The following DNMBP variants were observed in gnomAD, a reference collection of about 807,000 sequenced individuals.
The protein encoded by DNMBP is dynamin binding protein.
DNMBP carries 87 observed loss-of-function variants against 150.0 expected under a neutral mutation model. That is an observed-to-expected ratio of 0.58 (90% CI 0.49 to 0.69). DNMBP has a LOEUF of 0.69. Among genes scored for constraint, DNMBP ranks in the 30% least tolerant of loss-of-function variants. The pLI, the probability that DNMBP is intolerant of heterozygous loss-of-function variation, is 0.00. For missense variants in DNMBP, 1,774 were observed against 1,949.0 expected, an observed-to-expected ratio of 0.91 and a Z score of 1.69; for synonymous variants, 711 against 750.4, an observed-to-expected ratio of 0.95 and a Z score of 0.86.
intron 4 of DNMBP, chr10:99,930,679 C>G (rs772173938): frequency 5.7e-6 from 4 of 702,044 alleles, no homozygotes; most frequent in Non-Finnish European, 1.0e-5. Flanking sequence ...CGTACACTCC[C>G]GTAGTCTTCA....
chr10:99,966,237 T>A (rs1000900787), intron 3 of DNMBP, among the ~76,000 whole-genome samples: 1 of 152,090 alleles, frequency 6.6e-6, no homozygotes, highest in South Asian at 2.1e-4. Context: ...TTACTGGCAG[T>A]AGATTATCAC....
chr10:99,946,259 C>T (rs1042241478), intron 4 of DNMBP, among the ~76,000 whole-genome samples: 12 of 152,154 alleles, frequency 7.9e-5, no homozygotes, highest in Non-Finnish European at 1.3e-4. Context: ...AGCCCAGCTC[C>T]AGAAATGCTT....
intron 2 of DNMBP, among the ~76,000 whole-genome samples, chr10:99,970,983 A>AAAAATAAATAAAAAAAT (rs1263044860): frequency 8.1e-5 from 12 of 147,458 alleles, no homozygotes; most frequent in African/African-American, 3.0e-4. Context: ...AAAAAAAAAA[A>AAAAATAAATAAAAAAAT]AAAAAAAAAA....
rs1374926417 is a variant in DNMBP, at chr10:99,990,732, CAT to C, written c.-10-18600_-10-18599del. Among the ~76,000 whole-genome samples the C allele has an allele frequency of 4.7e-5, 7 of 149,888 alleles. No homozygotes were observed. The Admixed American group carries it at 4.7e-4, about 10-fold the overall frequency. Reference sequence around the variant, plus strand: ...ATACACACATATACACACAAATATACATATATATGCACATGTATATACACATA... The same window carrying C: ...ATACACACATATACACACAAATATACATATATGCACATGTATATACACATA... On this transcript the variant is annotated intron_variant, in intron 1 of 16. Transcript: ENST00000324109.
intron 4 of DNMBP, among the ~76,000 whole-genome samples, chr10:99,932,711 A>G (rs375331593): frequency 0.06 from 8,737 of 146,666 alleles, 347 homozygotes; most frequent in African/African-American, 0.11. Context: ...ACCAGAGGAA[A>G]CAAGCAGTGT....
intron 1 of DNMBP, among the ~76,000 whole-genome samples, chr10:99,974,998 G>A (rs2040713540): frequency 6.6e-6 from 1 of 152,118 alleles, no homozygotes; most frequent in Admixed American, 6.5e-5. Context: ...AAACTCCTGG[G>A]CCACCCACCT....
intron 4 of DNMBP, among the ~76,000 whole-genome samples, chr10:99,933,767 C>T (rs948614718): frequency 1.3e-5 from 2 of 152,140 alleles, no homozygotes; most frequent in African/African-American, 4.8e-5. Context: ...GACGGAGTCT[C>T]GCTCTATCAC....
chr10:99,922,511 T>TG (rs1445288678), intron 4 of DNMBP, among the ~76,000 whole-genome samples: 24 of 99,782 alleles, frequency 2.4e-4, no homozygotes, highest in African/African-American at 9.4e-4. Flanking sequence ...TGTTTTTTTT[T>TG]TTTTTTTTTT....
rs11190305 is a variant in DNMBP, at chr10:99,880,120, A to C, written c.4239T>G (p.Cys1413Trp). The C allele has an allele frequency of 0.37, 589,417 of 1,613,876 alleles. 110,283 individuals are homozygous for C. Among genetic ancestry groups the C allele is most frequent in the Non-Finnish European group, 0.39 (455,711 of 1,179,924 alleles). The change falls in exon 16 of 17, where the codon TGT becomes TGG. Residue 1413 changes from cysteine (C) to tryptophan (W), a missense_variant. Cys to Trp is a radical substitution (Grantham distance 215). This residue lies in a region of DNMBP where 1,430 missense variants were observed against 1,492.5 expected (regional missense o/e 0.96). Coordinates refer to ENST00000324109, the MANE Select transcript of DNMBP (RefSeq NM_015221.4). ...PQDASPPPKE[C>W]DQGTLSASLN... is the part of the protein sequence containing the mutation. ...GGGATGCACTGAGAGTTCCTTGGTC[A>C]CATTCTTTTGGCGGAGGAGATGCAT...
Position 99,998,103 on chromosome 10 carries a change from CGCACACCTG to C in DNMBP, c.-11+11726_-11+11734del, listed in dbSNP as rs573312089. ...ACAAAAAATTAGCCAGGCGTGGTGG[CGCACACCTG>C]TATTCCCAGCTTCTCGGGAGGCTGA... On this transcript the variant is annotated intron_variant, in intron 1 of 16. Transcript: ENST00000324109. 1.2e-3 allele frequency among the ~76,000 whole-genome samples: 181 copies of C among 151,404 alleles called. 1 individual carries two copies. Among genetic ancestry groups the C allele is most frequent in the Non-Finnish European group, 1.9e-3 (129 of 67,838 alleles).
Position 99,877,096 on chromosome 10 carries a change from ACCCTCGG to A in DNMBP, c.*48_*54del. 1.0e-5 allele frequency: 14 copies of A among 1,396,142 alleles called. No individual in the cohort carries two copies. Among genetic ancestry groups the A allele is most frequent in the Non-Finnish European group, 1.1e-5 (12 of 1,059,756 alleles). 86.5% of individuals were successfully genotyped at this position (1,396,142 alleles called of 1,614,324 possible). A position where few individuals can be genotyped will look rare whatever the true frequency, so the allele number is the denominator to read the frequency against. The stretch of plus-strand genomic sequence containing the variant: ...GGCGCCCTCTCGGTGGGCCGCCAGA[ACCCTCGG>A]CGGACTGAAAGCAAAGGCAGCAAGG... On this transcript the variant is annotated 3_prime_UTR_variant, in exon 17 of 17. Coordinates refer to ENST00000324109, the MANE Select transcript of DNMBP (RefSeq NM_015221.4).
intron 6 of DNMBP, among the ~76,000 whole-genome samples, chr10:99,901,228 C>A (rs1035868266): frequency 1.3e-5 from 2 of 152,112 alleles, no homozygotes; most frequent in Non-Finnish European, 2.9e-5. Flanking sequence ...GAGCCCCAGC[C>A]ATATGTACTT....
chr10:99,973,157 C>A (rs1226289504), intron 1 of DNMBP, among the ~76,000 whole-genome samples: 2 of 152,082 alleles, frequency 1.3e-5, no homozygotes, highest in Non-Finnish European at 2.9e-5. Context: ...GTGTTGAACT[C>A]CTGGCTTCAG....
At position 99,956,827 on chromosome 10, in the gene DNMBP, T is replaced by C; in HGVS notation, c.647A>G (p.Asn216Ser). The change falls in exon 4 of 17, where the codon AAT (asparagine) becomes AGT (serine). Residue 216 changes from asparagine to serine, a missense_variant. Coordinates refer to ENST00000324109, the MANE Select transcript of DNMBP (RefSeq NM_015221.4). ...ACCATTAACAATGCAGTCATCTTGA[T>C]TTCCAGAACTTACTGACTCATCCAC... ...RTVDESVSSG[N>S]QDDCIVNGEV... 1.2e-6 allele frequency: 2 copies of C among 1,614,154 alleles called. No individual in the cohort carries two copies. Among genetic ancestry groups the C allele is most frequent in the Non-Finnish European group, 1.7e-6 (2 of 1,180,024 alleles).
chr10:99,902,666 GC>G (rs2039762792), intron 6 of DNMBP, among the ~76,000 whole-genome samples: 1 of 148,214 alleles, frequency 6.7e-6, no homozygotes, highest in Non-Finnish European at 1.5e-5. Context: ...AGTGGCTCAA[GC>G]CTGTAATCCC....
At chr10:99,961,376 C>A (rs71496506) in intron 3 of DNMBP, among the ~76,000 whole-genome samples, 36,282 of 132,036 alleles carry the variant, frequency 0.27, 443 homozygotes, top group Admixed American at 0.28. Context: ...CCGGGCTCAA[C>A]TGATTGTCCC....
At chr10:99,977,394 C>T (rs535516172) in intron 1 of DNMBP, among the ~76,000 whole-genome samples, 2 of 152,174 alleles carry the variant, frequency 1.3e-5, no homozygotes, top group Admixed American at 1.3e-4. Flanking sequence ...GTTCCACCAA[C>T]TCCAGATAGA....
intron 12 of DNMBP, 69 bp from the exon 13 acceptor site, chr10:99,886,701 C>G (rs2039472509): frequency 1.4e-6 from 2 of 1,466,816 alleles, no homozygotes; most frequent in Non-Finnish European, 1.9e-6. Flanking sequence ...CCAAGTCACT[C>G]TTAAGGCTGA....
chr10:99,899,268 T>C (rs1041778025), intron 7 of DNMBP, among the ~76,000 whole-genome samples: 1 of 151,962 alleles, frequency 6.6e-6, no homozygotes, highest in Non-Finnish European at 1.5e-5. Context: ...TATATCTTTA[T>C]ACCTTGCTTC....
Sources: allele counts gnomAD v4.1 joint callset (sites outside exome capture counted in the v4.1 genomes callset), GRCh38; gene constraint gnomAD v4.1.1; regional missense constraint gnomAD v4.1.1; transcripts MANE v1.5; gene names NCBI Gene and HGNC (gene_info 2026-07-23, HGNC 2026-07-21).